MARCHF10: variants seen among roughly 807,000 people sequenced by gnomAD.
The protein encoded by MARCHF10 is membrane associated ring-CH-type finger 10.
In MARCHF10, 64 loss-of-function variants were observed where a neutral mutation model predicts 76.2. That is an observed-to-expected ratio of 0.84 (90% CI 0.69 to 1.03). The LOEUF (loss-of-function observed/expected upper bound fraction) is 1.03. MARCHF10 is among the 50% of genes least tolerant of loss of function. The pLI is 0.00. For missense variants in MARCHF10, 875 were observed against 958.0 expected (o/e 0.91, Z 1.14); for synonymous variants, 340 against 357.5 (o/e 0.95, Z 0.55).
chr17:62,737,003 C>A lies in MARCHF10; in HGVS notation c.865G>T (p.Asp289Tyr). Residue 289 changes from aspartate (D) to tyrosine (Y), a missense_variant, in exon 6 of 11, where the codon GAT (aspartate) becomes TAT (tyrosine). By Grantham distance (160) the Asp-to-Tyr change is radical. Coordinates refer to ENST00000311269, the MANE Select transcript of MARCHF10 (RefSeq NM_152598.4). ...GACTGGGTTTCCTCTTCAGTGTCAT[C>A]GCTTTCTCTTCTGCTGTTCAATGAC... ...ILSLNSRRES[D>Y]DTEEETQSEE... The A allele has an allele frequency of 6.2e-7, 1 of 1,614,130 alleles. No homozygotes were observed. Among genetic ancestry groups the A allele is most frequent in the Non-Finnish European group, 8.5e-7 (1 of 1,180,018 alleles).
intron 3 of MARCHF10, among the ~76,000 whole-genome samples, chr17:62,771,129 C>G (rs952232424): frequency 3.3e-5 from 5 of 152,076 alleles, no homozygotes; most frequent in Non-Finnish European, 7.4e-5. Flanking sequence ...CCTAGCCACA[C>G]CTATGTGGCT....
In MARCHF10 at chr17:62,746,236, G is replaced by A. The variant is rs1185370584; in HGVS notation, c.383-1708C>T. ...GGGTCCTGCAGGCCAAGACAGAGAG[G>A]ATCATGCCCCGCAGGGAACTTACTA... is the stretch of plus-strand genomic sequence containing the variant. On this transcript the variant is annotated intron_variant, in intron 4 of 10. Coordinates refer to ENST00000311269, the MANE Select transcript of MARCHF10 (RefSeq NM_152598.4). Among the ~76,000 whole-genome samples, 8 of 152,324 alleles carry A rather than the reference G, an allele frequency of 5.3e-5. No individual in the cohort carries two copies. In the South Asian group the frequency reaches 1.7e-3, roughly 32 times the overall value.
intron 4 of MARCHF10, among the ~76,000 whole-genome samples, chr17:62,755,897 TG>T (rs2092025694): frequency 6.6e-6 from 1 of 152,160 alleles, no homozygotes; most frequent in African/African-American, 2.4e-5. Context: ...GAGGATCACT[TG>T]AGCCCAGGAG....
rs145907152 is a variant in MARCHF10 at position 62,792,249 on chromosome 17, G to T, written c.91-3650C>A. On this transcript the variant is annotated intron_variant, in intron 2 of 10. Transcript: ENST00000311269. ...ATCAATGTCTGTGGGGATGACGTGG[G>T]TTTTGTGACTCATTGTAACTCAATC... 8.4e-3 allele frequency among the ~76,000 whole-genome samples: 1,282 copies of T among 152,052 alleles called. 6 individuals carry two copies. The highest frequency in any genetic ancestry group is 0.018 in the South Asian group (89 of 4,816).
At chr17:62,781,225 G>C (rs1184710911) in intron 3 of MARCHF10, among the ~76,000 whole-genome samples, 1 of 152,184 alleles carries the variant, frequency 6.6e-6, no homozygotes, top group African/African-American at 2.4e-5. Context: ...GGACTGGGCT[G>C]AGGGATTCTA....
intron 3 of MARCHF10, among the ~76,000 whole-genome samples, chr17:62,779,263 C>T (rs2092612034): frequency 6.6e-6 from 1 of 152,198 alleles, no homozygotes; most frequent in Non-Finnish European, 1.5e-5. Flanking sequence ...CTCATCAGCA[C>T]ACAGGCCTAG....
chr17:62,704,781 G>A (rs1404318944), intron 10 of MARCHF10, among the ~76,000 whole-genome samples: 1 of 152,216 alleles, frequency 6.6e-6, no homozygotes, highest in Non-Finnish European at 1.5e-5. Flanking sequence ...TGTTCTAAGG[G>A]CTTTTGGACA....
At chr17:62,787,755 T>TAGATAGAC (rs2092769984) in intron 3 of MARCHF10, among the ~76,000 whole-genome samples, 1 of 152,048 alleles carries the variant, frequency 6.6e-6, no homozygotes, top group South Asian at 2.1e-4. Context: ...GATGGATAGA[T>TAGATAGAC]AGATAGATAG....
At chr17:62,764,024 G>A (rs1032815972) in intron 3 of MARCHF10, among the ~76,000 whole-genome samples, 5 of 152,168 alleles carry the variant, frequency 3.3e-5, no homozygotes, top group African/African-American at 1.2e-4. Context: ...GCATTGGGCA[G>A]TGAGGTAATG....
At chr17:62,721,812 T>C (rs80310786) in intron 8 of MARCHF10, among the ~76,000 whole-genome samples, 3,979 of 152,264 alleles carry the variant, frequency 0.026, 217 homozygotes, top group African/African-American at 0.092. Context: ...GTATTTAAAT[T>C]AGGGACCATT....
rs1207861655 is a variant in MARCHF10 at position 62,771,574 on chromosome 17, A to ATTT, written c.211-11571_211-11569dup. On this transcript the variant is annotated intron_variant, in intron 3 of 10. Coordinates refer to ENST00000311269, the MANE Select transcript of MARCHF10 (RefSeq NM_152598.4). ...GACTGAGCTCTGCTTGTCAATATCTATTTTTTTTTTTTTTTTTTCTGAGAC... is the reference window on the plus strand; with the variant it reads ...GACTGAGCTCTGCTTGTCAATATCTATTTTTTTTTTTTTTTTTTTTTCTGAGAC... Among the ~76,000 whole-genome samples the ATTT allele has an allele frequency of 0.035, 4,431 of 126,196 alleles. 479 individuals are homozygous for ATTT. In the East Asian group the frequency reaches 0.37, roughly 11 times the overall value. 82.8% of individuals were successfully genotyped at this position (126,196 alleles called of 152,430 possible).
At chr17:62,727,490 G>A (rs115653544) in intron 6 of MARCHF10, among the ~76,000 whole-genome samples, 5,772 of 151,668 alleles carry the variant, frequency 0.038, 358 homozygotes, top group African/African-American at 0.13. Context: ...GCAACACAGC[G>A]AGACCTTGTC....
At chr17:62,755,294 T>A (rs2092008431) in intron 4 of MARCHF10, among the ~76,000 whole-genome samples, 1 of 151,316 alleles carries the variant, frequency 6.6e-6, no homozygotes, top group Admixed American at 6.6e-5. Flanking sequence ...GACGCTTGCT[T>A]CCCACATGTC....
chr17:62,708,582 G>C (rs935870212), intron 9 of MARCHF10, among the ~76,000 whole-genome samples: 2 of 152,180 alleles, frequency 1.3e-5, no homozygotes, highest in African/African-American at 2.4e-5. Context: ...CTGTGCATCA[G>C]AATGTTACTA....
At chr17:62,753,892 T>C (rs2091967240) in intron 4 of MARCHF10, among the ~76,000 whole-genome samples, 1 of 152,148 alleles carries the variant, frequency 6.6e-6, no homozygotes, top group Non-Finnish European at 1.5e-5. Flanking sequence ...TAAATACGTA[T>C]AAATGAAGTG....
At chr17:62,716,067 C>G (rs1404101465) in intron 8 of MARCHF10, among the ~76,000 whole-genome samples, 2 of 152,200 alleles carry the variant, frequency 1.3e-5, no homozygotes, top group Non-Finnish European at 2.9e-5. Flanking sequence ...CTCTTTCCTT[C>G]CGCTGTTAAA....
chr17:62,704,103 G>C (rs1389525877), intron 10 of MARCHF10, among the ~76,000 whole-genome samples: 1 of 151,712 alleles, frequency 6.6e-6, no homozygotes, highest in Non-Finnish European at 1.5e-5. Flanking sequence ...GCCGCGGCTG[G>C]ACGGAGCGCG....
rs779471372 is a variant in MARCHF10 at position 62,725,076 on chromosome 17, C to G, written c.1966G>C (p.Gly656Arg). The G allele has an allele frequency of 6.9e-6, 11 of 1,601,618 alleles. No individual in the cohort carries two copies. Among genetic ancestry groups the G allele is most frequent in the Non-Finnish European group, 8.5e-6 (10 of 1,175,698 alleles). Residue 656 changes from glycine (G) to arginine (R), a missense_variant, in exon 7 of 11, where the codon GGA becomes CGA. Transcript: ENST00000311269. ...SLLEEDSEEE[G>R]DLCRICQIAG... ...ATCTGACAGATGCGACACAAGTCTC[C>G]CTCCTCCTCGGAGTCCTCCTCCAGG...
chr17:62,797,228 G>A (rs751082831), intron 2 of MARCHF10, among the ~76,000 whole-genome samples: 1 of 151,758 alleles, frequency 6.6e-6, no homozygotes, highest in Admixed American at 6.6e-5. Context: ...TTTTGAGACC[G>A]AGTTTCACTC....
Sources: gnomAD v4.1 joint callset for allele counts (sites outside exome capture counted in the v4.1 genomes callset) on GRCh38, gnomAD v4.1.1 for gene constraint, MANE v1.5 for transcripts, NCBI Gene and HGNC (gene_info 2026-07-23, HGNC 2026-07-21) for gene names.